Variants in YEATS2 observed in about 807,000 individuals in gnomAD.
The protein encoded by YEATS2 is YEATS domain-containing protein 2.
A neutral mutation model predicts 163.2 loss-of-function variants in YEATS2; 77 were observed. That is an observed-to-expected ratio of 0.47 (90% CI 0.39 to 0.57). The LOEUF (loss-of-function observed/expected upper bound fraction) is 0.57, where lower values mean the gene tolerates loss of function less well. YEATS2 is among the 20% of genes least tolerant of loss of function. The probability of loss-of-function intolerance (pLI) is 0.00; values close to 1 mark genes in which losing one functional copy is unlikely to be tolerated. For synonymous variants in YEATS2, 631 were observed against 645.1 expected (o/e 0.98, Z 0.33); for missense variants, 1,549 against 1,729.8 (o/e 0.90, Z 1.85).
chr3:183,769,053 C>T (rs537450113), intron 15 of YEATS2, among the ~76,000 whole-genome samples: 1 of 152,282 alleles, frequency 6.6e-6, no homozygotes, highest in African/African-American at 2.4e-5. Context: ...GGGGTGATTT[C>T]TTGTCTTCAT....
Position 183,789,525 on chromosome 3 carries a change from A to ATTTTTTTTTTTTTTTTTTTT in YEATS2, c.2914-1263_2914-1244dup, listed in dbSNP as rs143473253. Among the ~76,000 whole-genome samples the ATTTTTTTTTTTTTTTTTTTT allele has an allele frequency of 6.0e-5, 4 of 66,350 alleles. 1 individual carries two copies. Among genetic ancestry groups the ATTTTTTTTTTTTTTTTTTTT allele is most frequent in the Non-Finnish European group, 7.7e-5 (3 of 39,022 alleles). The allele number at this position is 66,350 out of a possible 152,430, so 43.5% of individuals were successfully genotyped here. A position where few individuals can be genotyped will look rare whatever the true frequency, so the allele number is the denominator to read the frequency against. On this transcript the variant is annotated intron_variant, in intron 20 of 30. Transcript: ENST00000305135. The stretch of plus-strand genomic sequence containing the variant: ...TTAGGTTTCAGATTCATTCGAGTTA[A>ATTTTTTTTTTTTTTTTTTTT]TTTTTTTTTTTTTTTTTTTTTTTTT...
intron 8 of YEATS2, among the ~76,000 whole-genome samples, chr3:183,737,066 C>A (rs1180319802): frequency 3.3e-5 from 5 of 151,922 alleles, no homozygotes; most frequent in Non-Finnish European, 1.5e-5. Flanking sequence ...TATATTCTTA[C>A]AATAAAGTAA....
At chr3:183,793,985 A>G (rs1277251957) in intron 21 of YEATS2, among the ~76,000 whole-genome samples, 2 of 152,222 alleles carry the variant, frequency 1.3e-5, no homozygotes, top group South Asian at 2.1e-4. Flanking sequence ...TTTTGTGTGC[A>G]TCGTAAACTG....
chr3:183,782,007 G>A (rs2108439613), intron 19 of YEATS2, among the ~76,000 whole-genome samples: 2 of 152,202 alleles, frequency 1.3e-5, no homozygotes, highest in Non-Finnish European at 2.9e-5. Flanking sequence ...TATATAGTAT[G>A]TAGTCTTTTA....
intron 26 of YEATS2, chr3:183,803,690 T>C: frequency 2.3e-6 from 1 of 434,278 alleles, no homozygotes; most frequent in South Asian, 2.5e-5. Context: ...ATCCTTACAG[T>C]GGGAAGGTGC....
At position 183,806,976 on chromosome 3, in the gene YEATS2, C is replaced by T; in HGVS notation, c.3895C>T (p.Leu1299Phe). The T allele has an allele frequency of 1.2e-6, 2 of 1,614,132 alleles. No individual in the cohort carries two copies. Among genetic ancestry groups the T allele is most frequent in the Non-Finnish European group, 1.7e-6 (2 of 1,180,038 alleles). ...ENEEEVDILS[L>F]SEPVKINIKK... Reference sequence around the variant, plus strand: ...TGAGGAGGAGGTGGACATCCTCAGCCTCTCCGAGCCAGTGAAGATAAACAT... The same window carrying T: ...TGAGGAGGAGGTGGACATCCTCAGCTTCTCCGAGCCAGTGAAGATAAACAT... Residue 1299 changes from leucine to phenylalanine, a missense_variant, in exon 28 of 31, where the codon CTC becomes TTC. Leu to Phe is a conservative substitution (Grantham distance 22, BLOSUM62 0). Transcript: ENST00000305135.
chr3:183,760,025 A>G (rs1721178323), intron 13 of YEATS2, among the ~76,000 whole-genome samples: 1 of 152,194 alleles, frequency 6.6e-6, no homozygotes, highest in Non-Finnish European at 1.5e-5. Flanking sequence ...CAGTCAAATG[A>G]CTGGTGCCTG....
In YEATS2 at chr3:183,721,996, C is replaced by G. The variant is rs1459119880; in HGVS notation, c.397C>G (p.Pro133Ala). 6.2e-7 allele frequency: 1 copy of G among 1,614,116 alleles called. No individual in the cohort carries two copies. The highest frequency in any genetic ancestry group is 1.3e-5 in the African/African-American group (1 of 75,030). The change falls in exon 5 of 31, where the codon CCA becomes GCA. Residue 133 changes from proline to alanine, a missense_variant. Coordinates refer to ENST00000305135, the MANE Select transcript of YEATS2 (RefSeq NM_018023.5). ...TCCTGCCAATCAGAGAGCAGAAACACCATCAGCCAATCATTCAGAAAGTGA... is the reference window on the plus strand; with the variant it reads ...TCCTGCCAATCAGAGAGCAGAAACAGCATCAGCCAATCATTCAGAAAGTGA... ...SSPANQRAETPSANHSESDSL... is the reference protein window; with the variant it reads ...SSPANQRAETASANHSESDSL...
chr3:183,716,034 A>G (rs1308227309), intron 2 of YEATS2, among the ~76,000 whole-genome samples: 1 of 152,060 alleles, frequency 6.6e-6, no homozygotes, highest in East Asian at 1.9e-4. Context: ...ATCTCGGCTC[A>G]CTGCAAGCTC....
chr3:183,797,433 C>T (rs1725258541), intron 21 of YEATS2, among the ~76,000 whole-genome samples: 1 of 151,842 alleles, frequency 6.6e-6, no homozygotes, highest in Non-Finnish European at 1.5e-5. Flanking sequence ...TAGTACCAGC[C>T]ACTCTGGAAG....
chr3:183,754,485 A>C, intron 11 of YEATS2, 120 bp downstream of exon 11: 1 of 1,344,860 alleles, frequency 7.4e-7, no homozygotes, highest in Non-Finnish European at 9.8e-7. Context: ...TGTTATGTTT[A>C]ACAAAAGGAA....
chr3:183,787,264 T>C (rs937647860), intron 20 of YEATS2, among the ~76,000 whole-genome samples: 1 of 152,178 alleles, frequency 6.6e-6, no homozygotes, highest in African/African-American at 2.4e-5. Flanking sequence ...TGATAACTCC[T>C]TTTAACTTTG....
At chr3:183,759,056 C>T (rs910201280) in intron 13 of YEATS2, 91 bp downstream of exon 13, 10 of 850,612 alleles carry the variant, frequency 1.2e-5, no homozygotes, top group Admixed American at 3.4e-5. Context: ...GGGGTCTCCC[C>T]GTATTAACCA....
intron 10 of YEATS2, among the ~76,000 whole-genome samples, chr3:183,752,670 C>T (rs949248980): frequency 7.0e-6 from 1 of 142,302 alleles, no homozygotes; most frequent in Non-Finnish European, 1.5e-5. Context: ...GATGGTACCA[C>T]TGCACTCCAG....
intron 15 of YEATS2, among the ~76,000 whole-genome samples, chr3:183,765,237 C>G (rs1721788766): frequency 6.6e-6 from 1 of 152,202 alleles, no homozygotes; most frequent in Non-Finnish European, 1.5e-5. Context: ...TGTTTTGCTT[C>G]ACATAGGGAT....
intron 7 of YEATS2, among the ~76,000 whole-genome samples, chr3:183,736,476 T>C (rs1198590214): frequency 2.0e-5 from 3 of 152,248 alleles, no homozygotes; most frequent in Non-Finnish European, 4.4e-5. Flanking sequence ...TTATATGGTC[T>C]AAGTTTACTC....
At chr3:183,804,219 C>T (rs189057558) in intron 27 of YEATS2, 31 bp downstream of exon 27, 20 of 1,612,414 alleles carry the variant, frequency 1.2e-5, no homozygotes, top group African/African-American at 5.3e-5. Context: ...CCCAGAGCGC[C>T]TGGCAGCCTG....
At chr3:183,768,954 A>G (rs892479680) in intron 15 of YEATS2, among the ~76,000 whole-genome samples, 3 of 152,176 alleles carry the variant, frequency 2.0e-5, no homozygotes, top group Non-Finnish European at 4.4e-5. Context: ...CCTGGGCAAC[A>G]AGAGCAAAAC....
chr3:183,798,908 A>T lies in YEATS2; in HGVS notation c.3244A>T (p.Thr1082Ser), dbSNP rs775294102. 1 of 1,613,942 alleles carries T rather than the reference A, an allele frequency of 6.2e-7. No individual in the cohort carries two copies. Among genetic ancestry groups the T allele is most frequent in the South Asian group, 1.1e-5 (1 of 91,072 alleles). The change falls in exon 23 of 31, where the codon ACC becomes TCC. Residue 1082 changes from threonine to serine, a missense_variant. Thr to Ser is a moderately conservative substitution (Grantham distance 58). Coordinates refer to ENST00000305135, the MANE Select transcript of YEATS2 (RefSeq NM_018023.5). ...CCCTTTAGTGGTTCAGTCATTTTCTACCAGCAAGCCACCTGCCATTCTGCC... is the reference window on the plus strand; with the variant it reads ...CCCTTTAGTGGTTCAGTCATTTTCTTCCAGCAAGCCACCTGCCATTCTGCC... The part of the protein sequence containing the change: ...PVNKVVQSFS[T>S]SKPPAILPVA...
Sources: gnomAD v4.1 joint callset for allele counts (sites outside exome capture counted in the v4.1 genomes callset) on GRCh38, gnomAD v4.1.1 for gene constraint, MANE v1.5 for transcripts, NCBI Gene and HGNC (gene_info 2026-07-23, HGNC 2026-07-21) for gene names.